SLC4A10: variants seen among roughly 807,000 people sequenced by gnomAD.
SLC4A10 encodes sodium-driven chloride bicarbonate exchanger.
SLC4A10 carries 42 observed loss-of-function variants against 137.7 expected under a neutral mutation model. The ratio of observed to expected loss-of-function variants is 0.30; its 90% CI spans 0.24 to 0.39. The LOEUF (loss-of-function observed/expected upper bound fraction) is 0.39. Ranked by LOEUF, SLC4A10 falls within the 10% of genes least tolerant of loss-of-function variation. The probability of loss-of-function intolerance (pLI) is 1.00; values close to 1 mark genes in which losing one functional copy is unlikely to be tolerated. For missense variants in SLC4A10, 925 were observed against 1,355.0 expected (o/e 0.68, Z 4.98); for synonymous variants, 474 against 464.1 (o/e 1.02, Z -0.27).
intron 1 of SLC4A10, among the ~76,000 whole-genome samples, chr2:161,626,488 T>A (rs1558890046): frequency 6.6e-6 from 1 of 152,104 alleles, no homozygotes; most frequent in African/African-American, 2.4e-5. Flanking sequence ...TACAAAATAG[T>A]GACAGTTTAA....
At chr2:161,627,818 T>G (rs2032738218) in intron 1 of SLC4A10, among the ~76,000 whole-genome samples, 1 of 152,082 alleles carries the variant, frequency 6.6e-6, no homozygotes, top group Non-Finnish European at 1.5e-5. Context: ...GTCAGAAAGA[T>G]GTGTTCTCTT....
At chr2:161,672,335 A>C (rs1046271152) in intron 1 of SLC4A10, among the ~76,000 whole-genome samples, 1 of 152,132 alleles carries the variant, frequency 6.6e-6, no homozygotes, top group Non-Finnish European at 1.5e-5. Flanking sequence ...TGACTTTCAA[A>C]ATTTAATGTT....
chr2:161,755,909 A>G (rs1438426160), intron 1 of SLC4A10, among the ~76,000 whole-genome samples: 1 of 151,784 alleles, frequency 6.6e-6, no homozygotes, highest in African/African-American at 2.4e-5. Flanking sequence ...AGCTGGGATT[A>G]CAGGCCTGTG....
At chr2:161,654,803 G>T (rs896236570) in intron 1 of SLC4A10, among the ~76,000 whole-genome samples, 4 of 151,954 alleles carry the variant, frequency 2.6e-5, no homozygotes, top group East Asian at 1.9e-4. Context: ...TTGAAATCAG[G>T]GAGTGTGGTG....
intron 2 of SLC4A10, among the ~76,000 whole-genome samples, chr2:161,786,735 G>C (rs1485431538): frequency 6.6e-6 from 1 of 150,648 alleles, no homozygotes; most frequent in Admixed American, 6.6e-5. Flanking sequence ...TAGGATCTTT[G>C]AGTTTTGTAC....
At chr2:161,794,256 T>C (rs986227481) in intron 2 of SLC4A10, among the ~76,000 whole-genome samples, 2 of 152,124 alleles carry the variant, frequency 1.3e-5, no homozygotes, top group Non-Finnish European at 2.9e-5. Flanking sequence ...AATAAAGAAA[T>C]TGAGGTTCAA....
chr2:161,921,620 A>G (rs1413140905), intron 15 of SLC4A10, among the ~76,000 whole-genome samples: 1 of 152,282 alleles, frequency 6.6e-6, no homozygotes, highest in Non-Finnish European at 1.5e-5. Context: ...AGGAGCTATT[A>G]TGAAAACTTT....
At chr2:161,640,849 C>A (rs2035218392) in intron 1 of SLC4A10, among the ~76,000 whole-genome samples, 1 of 151,994 alleles carries the variant, frequency 6.6e-6, no homozygotes, top group African/African-American at 2.4e-5. Flanking sequence ...CTTTAAAAAT[C>A]ACAGCTCAAA....
intron 1 of SLC4A10, among the ~76,000 whole-genome samples, chr2:161,682,580 G>C (rs1559019738): frequency 6.6e-6 from 1 of 152,030 alleles, no homozygotes; most frequent in African/African-American, 2.4e-5. Flanking sequence ...CACCCTAAAA[G>C]TAATGGCTTA....
chr2:161,719,900 T>G (rs932111901), intron 1 of SLC4A10, among the ~76,000 whole-genome samples: 2 of 152,230 alleles, frequency 1.3e-5, no homozygotes, highest in African/African-American at 2.4e-5. Context: ...TTAGTTTAAT[T>G]AGATCCCATT....
intron 3 of SLC4A10, among the ~76,000 whole-genome samples, chr2:161,826,900 A>G (rs1213770937): frequency 6.6e-6 from 1 of 152,156 alleles, no homozygotes; most frequent in African/African-American, 2.4e-5. Context: ...TGACCACCCT[A>G]CAACATCCAA....
intron 24 of SLC4A10, among the ~76,000 whole-genome samples, chr2:161,975,072 T>G (rs971676919): frequency 6.6e-6 from 1 of 152,180 alleles, no homozygotes; most frequent in African/African-American, 2.4e-5. Context: ...TGTCATAGTG[T>G]TAAAAACCAA....
chr2:161,684,286 C>A (rs1235456130), intron 1 of SLC4A10, among the ~76,000 whole-genome samples: 1 of 152,162 alleles, frequency 6.6e-6, no homozygotes, highest in Non-Finnish European at 1.5e-5. Context: ...ATTCATTCAT[C>A]TGCTGACAGA....
intron 15 of SLC4A10, among the ~76,000 whole-genome samples, chr2:161,936,737 T>C (rs1385320607): frequency 6.6e-6 from 1 of 152,182 alleles, no homozygotes; most frequent in Non-Finnish European, 1.5e-5. Flanking sequence ...CAACCTTTAG[T>C]TGAGCTGTTC....
At chr2:161,883,197 A>T (rs2061947873) in intron 10 of SLC4A10, among the ~76,000 whole-genome samples, 1 of 152,200 alleles carries the variant, frequency 6.6e-6, no homozygotes, top group Admixed American at 6.6e-5. Context: ...GGGGCATTAA[A>T]TCAAAATTCA....
chr2:161,660,585 TTTCTTTCTTTCTTTC>T (rs2038192851), intron 1 of SLC4A10, among the ~76,000 whole-genome samples: 1 of 132,140 alleles, frequency 7.6e-6, no homozygotes, highest in African/African-American at 2.6e-5. Flanking sequence ...TCTTTCTTTC[TTTCTTTCTTTCTTTC>T]TTTCTTTCTT....
At chr2:161,832,343 C>G (rs1331800173) in intron 3 of SLC4A10, among the ~76,000 whole-genome samples, 2 of 152,084 alleles carry the variant, frequency 1.3e-5, no homozygotes, top group African/African-American at 4.8e-5. Flanking sequence ...ATCCTGATAC[C>G]CTTCACAATT....
intron 2 of SLC4A10, among the ~76,000 whole-genome samples, chr2:161,779,199 T>A (rs1485833365): frequency 6.6e-6 from 1 of 151,972 alleles, no homozygotes; most frequent in Non-Finnish European, 1.5e-5. Context: ...TCCATTTTTA[T>A]GAGAACTAAT....
At chr2:161,822,788 A>C (rs879920522) in intron 3 of SLC4A10, among the ~76,000 whole-genome samples, 1 of 152,182 alleles carries the variant, frequency 6.6e-6, no homozygotes, top group Non-Finnish European at 1.5e-5. Flanking sequence ...CATCATGGCC[A>C]ACATGGCAAA....
Sources: gnomAD v4.1 joint callset for allele counts (sites outside exome capture counted in the v4.1 genomes callset) on GRCh38, gnomAD v4.1.1 for gene constraint, MANE v1.5 for transcripts, NCBI Gene and HGNC (gene_info 2026-07-23, HGNC 2026-07-21) for gene names.